Variants in THRB observed in about 807,000 individuals in gnomAD.
THRB encodes nuclear receptor subfamily 1 group A member 2.
In THRB, 12 loss-of-function variants were observed where a neutral mutation model predicts 47.8. That is an observed-to-expected ratio of 0.25 (90% CI 0.16 to 0.41). THRB has a LOEUF of 0.41. Among genes scored for constraint, THRB ranks in the 10% least tolerant of loss-of-function variants. The pLI, the probability that THRB is intolerant of heterozygous loss-of-function variation, is 1.00. For missense variants in THRB, 348 were observed against 589.2 expected, an observed-to-expected ratio of 0.59 and a Z score of 4.24; for synonymous variants, 218 against 212.2, an observed-to-expected ratio of 1.03 and a Z score of -0.24.
At chr3:24,364,926 T>C (rs1485832359) in intron 1 of THRB, among the ~76,000 whole-genome samples, 1 of 152,214 alleles carries the variant, frequency 6.6e-6, no homozygotes, top group Non-Finnish European at 1.5e-5. Flanking sequence ...CATAGACATG[T>C]ACATATCTAT....
At chr3:24,389,434 T>C (rs2066386189) in intron 1 of THRB, among the ~76,000 whole-genome samples, 1 of 152,192 alleles carries the variant, frequency 6.6e-6, no homozygotes. Flanking sequence ...AATATGTGAC[T>C]GCTGACATTT....
In THRB at chr3:24,160,219, C is replaced by G. The variant is rs1272649056; in HGVS notation, c.284-7729G>C. Among the ~76,000 whole-genome samples, 3 of 152,086 alleles carry G rather than the reference C, an allele frequency of 2.0e-5. No homozygotes were observed. In the East Asian group the frequency reaches 5.8e-4, roughly 29 times the overall value. On this transcript the variant is annotated intron_variant, in intron 5 of 10. Transcript: ENST00000646209. Reference sequence around the variant, plus strand: ...GAGAGGAACCCATGGGGAGACTGGCCAAGGTTTCTGGAACAGAGGGTGTGG... The same window carrying G: ...GAGAGGAACCCATGGGGAGACTGGCGAAGGTTTCTGGAACAGAGGGTGTGG...
intron 2 of THRB, among the ~76,000 whole-genome samples, chr3:24,332,881 CCCATCTCTACTAAAAATACAAAAAATTAG>C (rs1559952409): frequency 5.3e-5 from 8 of 152,146 alleles, no homozygotes; most frequent in South Asian, 2.1e-4. Context: ...ATGGTGAAAC[CCCATCTCTACTAAAAATACAAAAAATTAG>C]CCATCTCTAC....
intron 1 of THRB, among the ~76,000 whole-genome samples, chr3:24,421,233 A>C (rs887516502): frequency 1.3e-5 from 2 of 151,814 alleles, no homozygotes; most frequent in African/African-American, 4.8e-5. Context: ...GATCAGGAAA[A>C]ATAACTAATG....
intron 3 of THRB, among the ~76,000 whole-genome samples, chr3:24,280,770 T>C (rs2054491142): frequency 6.6e-6 from 1 of 151,504 alleles, no homozygotes; most frequent in Admixed American, 6.6e-5. Context: ...AAACCAAGGC[T>C]CGAGAACTAC....
intron 8 of THRB, among the ~76,000 whole-genome samples, chr3:24,133,674 T>C (rs906492274): frequency 3.6e-4 from 53 of 145,492 alleles, no homozygotes; most frequent in Non-Finnish European, 1.2e-4. Flanking sequence ...GTGACAATGT[T>C]TACAGGACTG....
chr3:24,165,049 C>T (rs770349592), intron 5 of THRB: 5 of 759,642 alleles, frequency 6.6e-6, no homozygotes, highest in East Asian at 2.4e-5. Flanking sequence ...AATACGATGG[C>T]GACTGCACTT....
chr3:24,417,492 C>T (rs1389509121), intron 1 of THRB, among the ~76,000 whole-genome samples: 2 of 151,840 alleles, frequency 1.3e-5, no homozygotes, highest in African/African-American at 2.4e-5. Context: ...TTATCAAGGA[C>T]CTTTTAGGAC....
rs2067227405 is a variant in THRB at position 24,399,392 on chromosome 3, AT to A, written c.-260-62022del. Among the ~76,000 whole-genome samples the A allele has an allele frequency of 2.0e-5, 3 of 152,038 alleles. No homozygotes were observed. The South Asian group carries it at 6.2e-4, about 32-fold the overall frequency. On this transcript the variant is annotated intron_variant, in intron 1 of 10. Transcript: ENST00000646209. ...CAACAGATGAACTGGGAAAAAATGT[AT>A]TACCAAAAGGCAGCACTAGCTATAT...
chr3:24,169,394 T>A (rs935191232), intron 5 of THRB, among the ~76,000 whole-genome samples: 9 of 152,096 alleles, frequency 5.9e-5, no homozygotes, highest in African/African-American at 2.2e-4. Context: ...TCCATGAGAG[T>A]GAGGACTATA....
chr3:24,308,602 T>C (rs2057526774), intron 2 of THRB, among the ~76,000 whole-genome samples: 1 of 152,180 alleles, frequency 6.6e-6, no homozygotes, highest in South Asian at 2.1e-4. Context: ...AATGGAAAAT[T>C]GTTTTATTAA....
At chr3:24,146,535 A>AG in intron 7 of THRB, 140 bp downstream of exon 7, 1 of 875,380 alleles carries the variant, frequency 1.1e-6, no homozygotes, top group Non-Finnish European at 1.8e-6. Flanking sequence ...GTGGGGAGTG[A>AG]GGGGTGTATG....
chr3:24,372,680 G>C (rs760904614), intron 1 of THRB, among the ~76,000 whole-genome samples: 1 of 152,064 alleles, frequency 6.6e-6, no homozygotes, highest in South Asian at 2.1e-4. Context: ...AAGGTCTCCA[G>C]GTTTTTCCAT....
At chr3:24,225,318 T>C (rs1009867856) in intron 4 of THRB, among the ~76,000 whole-genome samples, 52 of 152,172 alleles carry the variant, frequency 3.4e-4, no homozygotes, top group African/African-American at 1.1e-3. Flanking sequence ...TACAGAGGGA[T>C]ACTCAAGAAT....
chr3:24,456,224 A>G (rs2125593916), intron 1 of THRB, among the ~76,000 whole-genome samples: 1 of 152,116 alleles, frequency 6.6e-6, no homozygotes. Context: ...AATCCCAGCT[A>G]CTAGGGAGGC....
chr3:24,263,040 T>C (rs960668481), intron 3 of THRB, among the ~76,000 whole-genome samples: 14 of 152,218 alleles, frequency 9.2e-5, no homozygotes, highest in African/African-American at 3.1e-4. Flanking sequence ...ACAATAAATA[T>C]TAGTGTGACA....
chr3:24,435,597 A>T (rs2070862668), intron 1 of THRB, among the ~76,000 whole-genome samples: 1 of 152,186 alleles, frequency 6.6e-6, no homozygotes, highest in Non-Finnish European at 1.5e-5. Context: ...CCTTGTACAA[A>T]GTATGGGTAT....
At chr3:24,144,520 T>C (rs1241736899) in intron 7 of THRB, 1 of 152,234 alleles carries the variant, frequency 6.6e-6, no homozygotes, top group Non-Finnish European at 1.5e-5. Context: ...GCATTATAAG[T>C]GCTCAGTAAA....
intron 4 of THRB, among the ~76,000 whole-genome samples, chr3:24,224,444 T>C (rs1422902851): frequency 4.7e-4 from 71 of 152,318 alleles, no homozygotes; most frequent in African/African-American, 1.4e-3. Context: ...GGTGTCATTA[T>C]TTTGCCATCA....
Sources: gnomAD v4.1 joint callset for allele counts (sites outside exome capture counted in the v4.1 genomes callset) on GRCh38, gnomAD v4.1.1 for gene constraint, MANE v1.5 for transcripts, NCBI Gene and HGNC (gene_info 2026-07-23, HGNC 2026-07-21) for gene names.